The following RYR3 variants were observed in gnomAD, a reference collection of about 807,000 sequenced individuals.
RYR3 encodes the protein brain ryanodine receptor-calcium release channel.
RYR3 carries 207 observed loss-of-function variants against 584.3 expected under a neutral mutation model. The observed-to-expected ratio is 0.35, with a 90% CI of 0.32 to 0.40. The LOEUF (loss-of-function observed/expected upper bound fraction) is 0.40, where lower values mean the gene tolerates loss of function less well. Among genes scored for constraint, RYR3 ranks in the 10% least tolerant of loss-of-function variants. RYR3 has a pLI of 1.00. For missense variants in RYR3, 5,616 were observed against 6,089.2 expected, an observed-to-expected ratio of 0.92 and a Z score of 2.59; for synonymous variants, 2,416 against 2,248.5, an observed-to-expected ratio of 1.07 and a Z score of -2.11.
chr15:33,794,323 TTTTATATATG>T (rs2075435881), intron 67 of RYR3, among the ~76,000 whole-genome samples: 97 of 85,204 alleles, frequency 1.1e-3, no homozygotes, highest in East Asian at 3.3e-3. Flanking sequence ...ATATATATAT[TTTTATATATG>T]TTTATATATA....
chr15:33,397,663 T>C (rs2042380744), intron 1 of RYR3, among the ~76,000 whole-genome samples: 1 of 152,216 alleles, frequency 6.6e-6, no homozygotes, highest in Non-Finnish European at 1.5e-5. Flanking sequence ...ACAGTTCTTG[T>C]TTTGCTGCCA....
intron 43 of RYR3, among the ~76,000 whole-genome samples, chr15:33,711,235 ATTTTTTTTTTT>A (rs143373949): frequency 3.8e-4 from 29 of 75,792 alleles, no homozygotes; most frequent in African/African-American, 5.3e-5. Flanking sequence ...TCTTTCTTTC[ATTTTTTTTTTT>A]TTTTTTTTTT....
At chr15:33,506,124 T>TTA (rs2052464985) in intron 3 of RYR3, among the ~76,000 whole-genome samples, 1 of 152,166 alleles carries the variant, frequency 6.6e-6, no homozygotes, top group Non-Finnish European at 1.5e-5. Context: ...GCAAAGAACT[T>TTA]AATAGTCTTA....
intron 92 of RYR3, 69 bp from the exon 93 acceptor site, chr15:33,844,793 T>C (rs1468661812): frequency 1.4e-5 from 18 of 1,330,610 alleles, no homozygotes; most frequent in Non-Finnish European, 1.9e-5. Flanking sequence ...CAATATAAAA[T>C]ATGTGGGGAG....
chr15:33,603,173 A>G lies in RYR3; in HGVS notation c.1973A>G (p.Lys658Arg), dbSNP rs527626604. ...LGVAEGSAQYKKWYFELIIDQ... is the reference protein window; with the variant it reads ...LGVAEGSAQYRKWYFELIIDQ... ...GTCGCGGAGGGCTCAGCCCAGTACAAGAAGTGGTACTTCGAGCTGATTATC... is the reference window on the plus strand; with the variant it reads ...GTCGCGGAGGGCTCAGCCCAGTACAGGAAGTGGTACTTCGAGCTGATTATC... Residue 658 changes from lysine (K) to arginine (R), a missense_variant, in exon 18 of 104, where the codon AAG (lysine) becomes AGG (arginine). Around this residue, in one of 9 missense-constraint regions of RYR3, gnomAD observed 1,284 missense variants for 1,344.6 expected, o/e 0.95. Transcript: ENST00000634891. The G allele has an allele frequency of 6.2e-7, 1 of 1,613,910 alleles. No homozygotes were observed. Among genetic ancestry groups the G allele is most frequent in the South Asian group, 1.1e-5 (1 of 91,086 alleles).
In RYR3 at chr15:33,584,444, C is replaced by G; in HGVS notation, c.1623C>G (p.Asn541Lys). Reference sequence around the variant, plus strand: ...ACAATTGCGCTCAATTCTCCAATAACCTTGATTGGCTCATCAGTAAATTGG... The same window carrying G: ...ACAATTGCGCTCAATTCTCCAATAAGCTTGATTGGCTCATCAGTAAATTGG... ...NRNNCAQFSN[N>K]LDWLISKLDR... The change falls in exon 15 of 104, where the codon AAC becomes AAG. Residue 541 changes from asparagine (N) to lysine (K), a missense_variant. Transcript: ENST00000634891. 1 of 1,606,178 alleles carries G rather than the reference C, an allele frequency of 6.2e-7. No individual in the cohort carries two copies. The highest frequency in any genetic ancestry group is 8.5e-7 in the Non-Finnish European group (1 of 1,173,744).
intron 32 of RYR3, among the ~76,000 whole-genome samples, chr15:33,657,887 A>G (rs2062912935): frequency 6.6e-6 from 1 of 152,238 alleles, no homozygotes; most frequent in South Asian, 2.1e-4. Flanking sequence ...TGAACAAATG[A>G]TAGCACTAAA....
chr15:33,384,900 G>C (rs890178477), intron 1 of RYR3, among the ~76,000 whole-genome samples: 72 of 152,224 alleles, frequency 4.7e-4, no homozygotes, highest in African/African-American at 1.7e-3. Context: ...GTTGATTGGA[G>C]GTAGTGTGGA....
chr15:33,535,380 A>T lies in RYR3; in HGVS notation c.433+1991A>T, dbSNP rs572345062. Among the ~76,000 whole-genome samples the T allele has an allele frequency of 2.0e-5, 3 of 152,344 alleles. No individual in the cohort carries two copies. The South Asian group carries it at 6.2e-4, about 32-fold the overall frequency. ...TTCCTGTTTTTGTACCAAGCAAAAA[A>T]GTGGCCCCGCCTTTGCCCATTATGG... On this transcript the variant is annotated intron_variant, in intron 5 of 103. Coordinates refer to ENST00000634891, the MANE Select transcript of RYR3 (RefSeq NM_001036.6).
At chr15:33,368,556 A>C (rs988295898) in intron 1 of RYR3, among the ~76,000 whole-genome samples, 3 of 151,942 alleles carry the variant, frequency 2.0e-5, no homozygotes, top group Admixed American at 1.3e-4. Flanking sequence ...CTGGAAAGTG[A>C]TGACATGGAT....
At position 33,796,166 on chromosome 15, in the gene RYR3, G is replaced by A. The variant is rs1210818626; in HGVS notation, c.9831-4604G>A. Among the ~76,000 whole-genome samples, 6 of 151,968 alleles carry A rather than the reference G, an allele frequency of 3.9e-5. No individual in the cohort carries two copies. In the East Asian group the frequency reaches 5.8e-4, roughly 15 times the overall value. On this transcript the variant is annotated intron_variant, in intron 67 of 103. Coordinates refer to ENST00000634891, the MANE Select transcript of RYR3 (RefSeq NM_001036.6). ...GTTTTTGTTTTTAGGACAAAGTCTCGCTCTGTCGCCCAGGCTGGAGTGCAG... is the reference window on the plus strand; with the variant it reads ...GTTTTTGTTTTTAGGACAAAGTCTCACTCTGTCGCCCAGGCTGGAGTGCAG...
chr15:33,748,287 G>C (rs747778094), intron 54 of RYR3, 27 bp downstream of exon 54: 4 of 1,609,952 alleles, frequency 2.5e-6, no homozygotes, highest in Admixed American at 3.4e-5. Context: ...AGAGGCCCAC[G>C]CTGGGCCGAT....
rs181159963 is a variant in RYR3 at position 33,613,734 on chromosome 15, C to G, written c.2357+359C>G. Among the ~76,000 whole-genome samples the G allele has an allele frequency of 6.4e-4, 97 of 152,294 alleles. 1 individual carries two copies. The highest frequency in any genetic ancestry group is 1.2e-3 in the Admixed American group (19 of 15,308). ...TATGATTCCAATGGTTAGCTATAAT[C>G]TCTATTAATACTTTGGCATATTTTT... On this transcript the variant is annotated intron_variant, in intron 19 of 103. Coordinates refer to ENST00000634891, the MANE Select transcript of RYR3 (RefSeq NM_001036.6).
rs143449513 is a variant in RYR3 at position 33,636,760 on chromosome 15, A to G, written c.3556+210A>G. On this transcript the variant is annotated intron_variant, in intron 27 of 103. Transcript: ENST00000634891. The stretch of plus-strand genomic sequence containing the variant: ...GTTGGTGTGTGCAGCATACATACAC[A>G]TTCTGAACTCTCAGATAGGTTAACC... 1.1e-4 allele frequency among the ~76,000 whole-genome samples: 16 copies of G among 152,360 alleles called. No individual in the cohort carries two copies. The East Asian group carries it at 1.2e-3, about 11-fold the overall frequency.
chr15:33,359,352 CT>C (rs1974423293), intron 1 of RYR3, among the ~76,000 whole-genome samples: 1 of 152,186 alleles, frequency 6.6e-6, no homozygotes, highest in Admixed American at 6.5e-5. Flanking sequence ...TTTAAAGCCC[CT>C]GTGTGTCTTT....
chr15:33,475,348 G>C (rs142672545), intron 2 of RYR3, among the ~76,000 whole-genome samples: 1 of 152,164 alleles, frequency 6.6e-6, no homozygotes, highest in African/African-American at 2.4e-5. Context: ...CCAGGATCCA[G>C]TTTTATGGAA....
intron 66 of RYR3, among the ~76,000 whole-genome samples, chr15:33,786,480 G>GTT (rs1209014459): frequency 7.0e-6 from 1 of 143,306 alleles, no homozygotes; most frequent in East Asian, 2.0e-4. Flanking sequence ...GCACTTTGTT[G>GTT]TTTTTTTTTT....
chr15:33,819,646 C>A, intron 76 of RYR3, 110 bp from the exon 77 acceptor site: 1 of 665,192 alleles, frequency 1.5e-6, no homozygotes, highest in Non-Finnish European at 2.1e-6. Flanking sequence ...TGCACTCCAG[C>A]CTAGGGGACA....
intron 42 of RYR3, 71 bp from the exon 43 acceptor site, chr15:33,706,848 T>C (rs2066752021): frequency 7.0e-7 from 1 of 1,435,342 alleles, no homozygotes; most frequent in Non-Finnish European, 9.5e-7. Context: ...ACACTTGTTA[T>C]TTTTTGAGGT....
Sources: gnomAD v4.1 joint callset for allele counts (sites outside exome capture counted in the v4.1 genomes callset) on GRCh38, gnomAD v4.1.1 for gene constraint, gnomAD v4.1.1 regional missense constraint, MANE v1.5 for transcripts, NCBI Gene and HGNC (gene_info 2026-07-23, HGNC 2026-07-21) for gene names.